The following DMD variants were observed in gnomAD, a reference collection of about 807,000 sequenced individuals.
The protein encoded by DMD is mutant dystrophin.
In DMD, 63 loss-of-function variants were observed where a neutral mutation model predicts 330.1. That is an observed-to-expected ratio of 0.19 (90% CI 0.16 to 0.24). DMD has a LOEUF of 0.24. DMD is among the 10% of genes least tolerant of loss of function. DMD has a pLI of 1.00. For synonymous variants in DMD, 1,223 were observed against 959.8 expected (o/e 1.27, Z -5.07); for missense variants, 3,344 against 2,684.1 (o/e 1.25, Z -5.43).
chrX:31,393,660 A>G (rs2060789023), intron 60 of DMD, among the ~76,000 whole-genome samples: 1 of 111,137 alleles, frequency 9.0e-6, no homozygotes, highest in Non-Finnish European at 1.9e-5. Flanking sequence ...GCATTTTGCA[A>G]GCATTGTCTC....
At chrX:31,305,380 T>G (rs191091738) in intron 62 of DMD, among the ~76,000 whole-genome samples, 1 of 111,917 alleles carries the variant, frequency 8.9e-6, no homozygotes, top group African/African-American at 3.2e-5. Context: ...CCCTACCAAA[T>G]TTGTTCCTCT....
intron 62 of DMD, among the ~76,000 whole-genome samples, chrX:31,305,973 A>C (rs960252889): frequency 8.9e-6 from 1 of 112,277 alleles, no homozygotes; most frequent in African/African-American, 3.2e-5. Flanking sequence ...TTGTCTGGCA[A>C]AATATTTTTT....
At chrX:32,397,982 G>A (rs898365714) in intron 30 of DMD, among the ~76,000 whole-genome samples, 10 of 110,743 alleles carry the variant, frequency 9.0e-5, no homozygotes, top group African/African-American at 3.3e-4. Context: ...ATGGAGGAAC[G>A]TACCACTGTT....
At chrX:32,053,847 C>T (rs2096137599) in intron 44 of DMD, among the ~76,000 whole-genome samples, 1 of 110,979 alleles carries the variant, frequency 9.0e-6, no homozygotes. Context: ...AAATCTTGTC[C>T]ATGTTCCTCT....
chrX:32,773,307 G>A (rs2073818656), intron 7 of DMD, among the ~76,000 whole-genome samples: 1 of 110,798 alleles, frequency 9.0e-6, no homozygotes, highest in African/African-American at 3.3e-5. Context: ...TGTACATTTG[G>A]GGTGCATGGG....
intron 11 of DMD, among the ~76,000 whole-genome samples, chrX:32,624,538 G>A (rs2058220642): frequency 9.0e-6 from 1 of 111,617 alleles, no homozygotes. Flanking sequence ...TGTGCCCAGT[G>A]TTTCTCAAAC....
intron 62 of DMD, among the ~76,000 whole-genome samples, chrX:31,262,841 G>A (rs886074720): frequency 8.9e-6 from 1 of 112,661 alleles, no homozygotes; most frequent in Admixed American, 9.3e-5. Context: ...TTGCAGCTTC[G>A]TGGAAAAAGT....
intron 7 of DMD, among the ~76,000 whole-genome samples, chrX:32,746,142 A>T (rs1464426544): frequency 8.9e-6 from 1 of 111,812 alleles, no homozygotes; most frequent in African/African-American, 3.2e-5. Context: ...TTCTCTGGGT[A>T]ATGGAGTAAA....
intron 52 of DMD, among the ~76,000 whole-genome samples, chrX:31,697,901 GA>G (rs781265079): frequency 1.8e-5 from 2 of 111,698 alleles, no homozygotes; most frequent in East Asian, 5.6e-4. Flanking sequence ...ATTTAAATGG[GA>G]AAAGTTGATT....
intron 44 of DMD, among the ~76,000 whole-genome samples, chrX:32,108,417 T>G (rs1313657473): frequency 8.9e-6 from 1 of 112,073 alleles, no homozygotes; most frequent in Non-Finnish European, 1.9e-5. Context: ...TGCAATAGAT[T>G]AATTAGGAAA....
chrX:31,332,063 G>A (rs1409712078), intron 61 of DMD, among the ~76,000 whole-genome samples: 4 of 112,290 alleles, frequency 3.6e-5, no homozygotes, highest in East Asian at 5.6e-4. Flanking sequence ...CATGGTGAGC[G>A]CAGTGTGCTT....
intron 60 of DMD, among the ~76,000 whole-genome samples, chrX:31,434,450 A>G (rs1302118014): frequency 0.015 from 1,561 of 104,995 alleles, 19 homozygotes; most frequent in African/African-American, 0.027. Context: ...ACACACACAC[A>G]CACACACACA....
intron 42 of DMD, among the ~76,000 whole-genome samples, chrX:32,294,851 T>C (rs2097488910): frequency 9.0e-6 from 1 of 111,331 alleles, no homozygotes; most frequent in African/African-American, 3.3e-5. Context: ...AGAGATGAGA[T>C]CTCTGATAGT....
At chrX:31,501,042 A>G (rs969777737) in intron 56 of DMD, among the ~76,000 whole-genome samples, 9 of 112,265 alleles carry the variant, frequency 8.0e-5, no homozygotes, top group Non-Finnish European at 1.5e-4. Context: ...TCTTGTAACA[A>G]ATAGCTGAGC....
intron 2 of DMD, among the ~76,000 whole-genome samples, chrX:32,991,824 A>C (rs2147312149): frequency 8.9e-6 from 1 of 112,197 alleles, no homozygotes; most frequent in African/African-American, 3.2e-5. Context: ...TTTGACCAAA[A>C]GTAGCCTCCA....
chrX:31,857,677 G>A (rs1387959554), intron 48 of DMD, among the ~76,000 whole-genome samples: 2 of 110,060 alleles, frequency 1.8e-5, no homozygotes, highest in Non-Finnish European at 3.8e-5. Flanking sequence ...TTTTTTATAT[G>A]TATCATTTTG....
At chrX:31,660,329 G>A (rs769693511) in intron 53 of DMD, among the ~76,000 whole-genome samples, 2 of 112,108 alleles carry the variant, frequency 1.8e-5, no homozygotes, top group Admixed American at 9.5e-5. Context: ...GCCCTTCTGA[G>A]GGAACTTCTG....
At chrX:32,283,302 T>G (rs1280613983) in intron 43 of DMD, among the ~76,000 whole-genome samples, 1 of 111,892 alleles carries the variant, frequency 8.9e-6, no homozygotes, top group Non-Finnish European at 1.9e-5. Flanking sequence ...TCTAGGGTGA[T>G]TTGTGTCACA....
At chrX:32,883,842 A>AAAAAAAAAAAAAG (rs2084244908) in intron 2 of DMD, among the ~76,000 whole-genome samples, 1 of 104,733 alleles carries the variant, frequency 9.5e-6, no homozygotes, top group African/African-American at 3.6e-5. Context: ...AAAAAAAAAA[A>AAAAAAAAAAAAAG]AAAAAAAAAG....
Sources: gnomAD v4.1 joint callset for allele counts (sites outside exome capture counted in the v4.1 genomes callset) on GRCh38, gnomAD v4.1.1 for gene constraint, MANE v1.5 for transcripts, NCBI Gene and HGNC (gene_info 2026-07-23, HGNC 2026-07-21) for gene names.